Variants in ARHGEF17 observed in about 807,000 individuals in gnomAD.
ARHGEF17 encodes the protein Rho guanine nucleotide exchange factor 17, also known as 164 kDa Rho-specific guanine-nucleotide exchange factor.
ARHGEF17 carries 80 observed loss-of-function variants against 174.0 expected under a neutral mutation model. That is an observed-to-expected ratio of 0.46 (90% CI 0.38 to 0.55). ARHGEF17 has a LOEUF of 0.55. Among genes scored for constraint, ARHGEF17 ranks in the 20% least tolerant of loss-of-function variants. The pLI is 0.00. For missense variants in ARHGEF17, 2,886 were observed against 2,839.7 expected (o/e 1.02, Z -0.37); for synonymous variants, 1,311 against 1,189.1 (o/e 1.10, Z -2.11).
rs567419687 is a variant in ARHGEF17, at chr11:73,322,908, C to T, written c.3192+11078C>T. On this transcript the variant is annotated intron_variant, in intron 1 of 20. Coordinates refer to ENST00000263674, the MANE Select transcript of ARHGEF17 (RefSeq NM_014786.4). ...TAGGTAGCAGAGGATGTGGAGCTGG[C>T]GAGGGGAGAACTGACTGGGAAGACA... 4.6e-5 allele frequency among the ~76,000 whole-genome samples: 7 copies of T among 152,104 alleles called. No individual in the cohort carries two copies. In the East Asian group the frequency reaches 9.7e-4, roughly 21 times the overall value.
At chr11:73,356,118 A>T in intron 5 of ARHGEF17, 57 bp from the exon 6 acceptor site, 1 of 1,599,982 alleles carries the variant, frequency 6.3e-7, no homozygotes. Context: ...CTGCTCCAGC[A>T]GTCTGGGGCC....
rs76819124 is a variant in ARHGEF17, at chr11:73,322,559, G to A, written c.3192+10729G>A. 6.1e-3 allele frequency among the ~76,000 whole-genome samples: 928 copies of A among 152,300 alleles called. 9 individuals carry two copies. Among genetic ancestry groups the A allele is most frequent in the Middle Eastern group, 0.027 (8 of 294 alleles). Reference sequence around the variant, plus strand: ...GAGAGTTCTTGAGAAGTGCAGTGACGTGGTTCACCTGGCATTTTAGGGAAC... The same window carrying A: ...GAGAGTTCTTGAGAAGTGCAGTGACATGGTTCACCTGGCATTTTAGGGAAC... On this transcript the variant is annotated intron_variant, in intron 1 of 20. Coordinates refer to ENST00000263674, the MANE Select transcript of ARHGEF17 (RefSeq NM_014786.4).
rs1183633208 is a variant in ARHGEF17 at position 73,368,575 on chromosome 11, T to G, written c.*795T>G. 1 of 152,262 alleles carries G rather than the reference T, an allele frequency of 6.6e-6. No individual in the cohort carries two copies. The highest frequency in any genetic ancestry group is 1.5e-5 in the Non-Finnish European group (1 of 68,024). The allele number at this position is 152,262 out of a possible 1,614,324, so 9.4% of individuals were successfully genotyped here. A position where few individuals can be genotyped will look rare whatever the true frequency, so the allele number is the denominator to read the frequency against. On this transcript the variant is annotated 3_prime_UTR_variant, in exon 21 of 21. Transcript: ENST00000263674. Reference sequence around the variant, plus strand: ...TAGTGGTTCCCTAATTTGGGAACACTGATGGGGCCTTGGACAGGGCTTTCT... The same window carrying G: ...TAGTGGTTCCCTAATTTGGGAACACGGATGGGGCCTTGGACAGGGCTTTCT...
intron 2 of ARHGEF17, among the ~76,000 whole-genome samples, chr11:73,348,280 T>C (rs1253785571): frequency 3.3e-5 from 5 of 152,200 alleles, no homozygotes; most frequent in African/African-American, 1.2e-4. Flanking sequence ...CTCCAGGTAG[T>C]GTTCTCTGTG....
chr11:73,352,805 T>C (rs1865576608), intron 2 of ARHGEF17, 25 bp from the exon 3 acceptor site: 1 of 1,613,062 alleles, frequency 6.2e-7, no homozygotes, highest in East Asian at 2.2e-5. Flanking sequence ...TGAGGGAGTG[T>C]GCACCGACCC....
At chr11:73,359,331 G>A (rs745881540) in intron 9 of ARHGEF17, among the ~76,000 whole-genome samples, 2 of 152,214 alleles carry the variant, frequency 1.3e-5, no homozygotes, top group Admixed American at 6.5e-5. Context: ...GGTTGAGGGC[G>A]GCAGGCCGTC....
At position 73,360,439 on chromosome 11, in the gene ARHGEF17, G is replaced by A; in HGVS notation, c.4326G>A (p.Arg1442=). The A allele has an allele frequency of 6.2e-7, 1 of 1,614,026 alleles. No individual in the cohort carries two copies. The highest frequency in any genetic ancestry group is 2.2e-5 in the East Asian group (1 of 44,880). The change falls in exon 11 of 21, where the codon CGG becomes CGA. Residue 1442 remains arginine, a synonymous_variant. Coordinates refer to ENST00000263674, the MANE Select transcript of ARHGEF17 (RefSeq NM_014786.4). ...CCAAGCTGGAGCTGTGCGCCACTCG[G>A]CCCGAGGGCACCGACTCCTACATTT... ...PPTKLELCAT[R]PEGTDSYIFE...
In ARHGEF17 at chr11:73,364,563, G is replaced by T; in HGVS notation, c.5513G>T (p.Arg1838Leu). 11 of 1,613,668 alleles carry T rather than the reference G, an allele frequency of 6.8e-6. No individual in the cohort carries two copies. Among genetic ancestry groups the T allele is most frequent in the Non-Finnish European group, 9.3e-6 (11 of 1,179,924 alleles). Reference protein sequence around the residue: ...GGRLWCGCQNRVLVLSPDTLQ... With the variant: ...GGRLWCGCQNLVLVLSPDTLQ... ...CGGCTGTGGTGTGGCTGCCAGAACC[G>T]AGTCCTTGTCCTGAGCCCTGACACG... The change falls in exon 18 of 21, where the codon CGA becomes CTA. Residue 1838 changes from arginine (R) to leucine (L), a missense_variant. Around this residue, in one of 4 missense-constraint regions of ARHGEF17, gnomAD observed 329 missense variants for 435.2 expected, o/e 0.76. Transcript: ENST00000263674.
Position 73,362,536 on chromosome 11 carries a change from GCGGAGCCGGGGC to G in ARHGEF17, c.4801_4812del (p.Glu1601_Pro1604del). 6.2e-7 allele frequency: 1 copy of G among 1,606,790 alleles called. No individual in the cohort carries two copies. The highest frequency in any genetic ancestry group is 8.5e-7 in the Non-Finnish European group (1 of 1,178,774). On this transcript the variant is annotated inframe_deletion, in exon 14 of 21. Coordinates refer to ENST00000263674, the MANE Select transcript of ARHGEF17 (RefSeq NM_014786.4). ...TGCAGACGAGGAAGCCGCGACGCTCGCGGAGCCGGGGCCGCAGCCCTGCCTTCACATCTCCAT... is the reference window on the plus strand; with the variant it reads ...TGCAGACGAGGAAGCCGCGACGCTCGCGCAGCCCTGCCTTCACATCTCCAT...
intron 1 of ARHGEF17, among the ~76,000 whole-genome samples, chr11:73,320,801 C>G (rs1174732525): frequency 6.6e-6 from 1 of 151,936 alleles, no homozygotes; most frequent in Non-Finnish European, 1.5e-5. Context: ...GCTGGGACCA[C>G]AGGCATGCGC....
intron 1 of ARHGEF17, among the ~76,000 whole-genome samples, chr11:73,323,118 C>T (rs1208474864): frequency 6.6e-6 from 1 of 152,134 alleles, no homozygotes; most frequent in African/African-American, 2.4e-5. Flanking sequence ...CCCTCTGCTC[C>T]AGTGGAAGTG....
At position 73,310,138 on chromosome 11, in the gene ARHGEF17, C is replaced by T. The variant is rs138667195; in HGVS notation, c.1500C>T (p.Asn500=). 317 of 1,614,040 alleles carry T rather than the reference C, an allele frequency of 2.0e-4. No individual in the cohort carries two copies. In the East Asian group the frequency reaches 5.6e-3, roughly 29 times the overall value. ...PGGSSGDRGS[N]PLDGRDSPSA... ...GGAGCTCCGGGGACCGTGGAAGCAACCCCCTAGATGGCAGAGACTCACCAT... is the reference window on the plus strand; with the variant it reads ...GGAGCTCCGGGGACCGTGGAAGCAATCCCCTAGATGGCAGAGACTCACCAT... The change falls in exon 1 of 21, where the codon AAC becomes AAT. Residue 500 remains asparagine, a synonymous_variant. Transcript: ENST00000263674.
Position 73,365,805 on chromosome 11 carries a change from T to A in ARHGEF17, c.5853T>A (p.Gly1951=), listed in dbSNP as rs750020563. The A allele has an allele frequency of 2.5e-6, 4 of 1,613,502 alleles. No homozygotes were observed. Among genetic ancestry groups the A allele is most frequent in the Non-Finnish European group, 3.4e-6 (4 of 1,180,042 alleles). The change falls in exon 20 of 21, where the codon GGT becomes GGA. Residue 1951 remains glycine, a synonymous_variant. Coordinates refer to ENST00000263674, the MANE Select transcript of ARHGEF17 (RefSeq NM_014786.4). The surrounding 1 kb of genome is among the most constrained non-coding windows in gnomAD (Gnocchi z 4.9). ...TCCTCACCATGCCCACTTCGCCCGG[T>A]ACTGTCAGCTGCCCACGGGCACCAC... ...GVVLTMPTSP[G]TVSCPRAPLS... is the part of the protein sequence containing the mutation.
At chr11:73,346,856 G>C in intron 1 of ARHGEF17, 27 bp from the exon 2 acceptor site, 1 of 1,442,426 alleles carries the variant, frequency 6.9e-7, no homozygotes, top group South Asian at 1.5e-5. Flanking sequence ...AAAGACCCCT[G>C]TTCACCCTCT....
rs199539112 is a variant in ARHGEF17, at chr11:73,362,281, G to T, written c.4694+42G>T. 3.9e-5 allele frequency: 58 copies of T among 1,472,542 alleles called. 1 individual carries two copies. The East Asian group carries it at 1.4e-3, about 36-fold the overall frequency. The allele number at this position is 1,472,542 out of a possible 1,614,324, so 91.2% of individuals were successfully genotyped here. A position where few individuals can be genotyped will look rare whatever the true frequency, so the allele number is the denominator to read the frequency against. On this transcript the variant is annotated intron_variant, in intron 13 of 20. Coordinates refer to ENST00000263674, the MANE Select transcript of ARHGEF17 (RefSeq NM_014786.4). The stretch of plus-strand genomic sequence containing the variant: ...GGGGTGGGCGGCACCGCGGGCCTGG[G>T]AGAACCAACCCCTGTCCCAGCACAC...
rs113363731 is a variant in ARHGEF17, at chr11:73,309,330, GCTC to G, written c.703_705del (p.Ser235del). The G allele has an allele frequency of 1.1e-5, 18 of 1,607,604 alleles. No individual in the cohort carries two copies. Among genetic ancestry groups the G allele is most frequent in the East Asian group, 2.2e-5 (1 of 44,772 alleles). Reference sequence around the variant, plus strand: ...CCGCAGGCCGGGGCCCGGGCCTCCTGCTCCTCCTCCTCCATCGCCGCCTCCTAT... The same window carrying G: ...CCGCAGGCCGGGGCCCGGGCCTCCTGCTCCTCCTCCATCGCCGCCTCCTAT... On this transcript the variant is annotated inframe_deletion, in exon 1 of 21. Transcript: ENST00000263674.
rs1864736722 is a variant in ARHGEF17, at chr11:73,308,724, GGGA to G, written c.93_95del (p.Glu31del). The G allele has an allele frequency of 6.6e-7, 1 of 1,512,804 alleles. No individual in the cohort carries two copies. Among genetic ancestry groups the G allele is most frequent in the Non-Finnish European group, 8.8e-7 (1 of 1,135,446 alleles). 93.7% of individuals were successfully genotyped at this position (1,512,804 alleles called of 1,614,324 possible). ...CGCTGGAGCGGCGGCCCCGGGCTGA[GGGA>G]GGAGGACACGGACACCCCCGGCTTG... On this transcript the variant is annotated inframe_deletion, in exon 1 of 21. Coordinates refer to ENST00000263674, the MANE Select transcript of ARHGEF17 (RefSeq NM_014786.4).
At chr11:73,343,640 A>C (rs1290395735) in intron 1 of ARHGEF17, among the ~76,000 whole-genome samples, 1 of 151,638 alleles carries the variant, frequency 6.6e-6, no homozygotes, top group Non-Finnish European at 1.5e-5. Flanking sequence ...TCAGTTTTGC[A>C]CCCCCACTGC....
chr11:73,312,992 C>T (rs1489679694), intron 1 of ARHGEF17, among the ~76,000 whole-genome samples: 2 of 152,168 alleles, frequency 1.3e-5, no homozygotes, highest in South Asian at 2.1e-4. Context: ...CTGAGCTCAG[C>T]GATGGCCAGT....
Sources: gnomAD v4.1 joint callset for allele counts (sites outside exome capture counted in the v4.1 genomes callset) on GRCh38, gnomAD v4.1.1 for gene constraint, gnomAD v4.1.1 regional missense constraint, Gnocchi (gnomAD v3.1) non-coding constraint, MANE v1.5 for transcripts, NCBI Gene and HGNC (gene_info 2026-07-23, HGNC 2026-07-21) for gene names.